The following BAZ2B variants were observed in gnomAD, a reference collection of about 807,000 sequenced individuals.
BAZ2B encodes bromodomain adjacent to zinc finger domain protein 2B.
BAZ2B carries 91 observed loss-of-function variants against 246.0 expected under a neutral mutation model. That is an observed-to-expected ratio of 0.37 (90% confidence interval 0.31 to 0.44). The LOEUF is 0.44. BAZ2B is among the 20% of genes least tolerant of loss of function. BAZ2B has a pLI of 1.00. For missense variants in BAZ2B, 2,332 were observed against 2,533.7 expected (o/e 0.92, Z 1.71); for synonymous variants, 855 against 860.0 (o/e 0.99, Z 0.10).
At chr2:159,386,953 G>A (rs2062719123) in intron 21 of BAZ2B, among the ~76,000 whole-genome samples, 1 of 152,008 alleles carries the variant, frequency 6.6e-6, no homozygotes, top group African/African-American at 2.4e-5. Flanking sequence ...TATAACTGGA[G>A]CAAAAATTAA....
rs374764016 is a variant in BAZ2B at position 159,427,944 on chromosome 2, C to T, written c.2463G>A (p.Pro821=). 3.5e-5 allele frequency: 57 copies of T among 1,612,272 alleles called. No individual in the cohort carries two copies. The highest frequency in any genetic ancestry group is 1.7e-4 in the Middle Eastern group (1 of 6,054). ...ATACTTTTTAAAAAGTGGATACCTGCGGTCCATCTCTGGCTTCATAGAAGT... is the reference window on the plus strand; with the variant it reads ...ATACTTTTTAAAAAGTGGATACCTGTGGTCCATCTCTGGCTTCATAGAAGT... ...VGDFYEARDG[P]QGMQWCLLKE... The change falls in exon 13 of 37, where the codon CCG becomes CCA. Residue 821 remains proline (P), a synonymous_variant. Transcript: ENST00000392783.
At chr2:159,436,161 A>T (rs1003232840) in intron 8 of BAZ2B, among the ~76,000 whole-genome samples, 6 of 152,124 alleles carry the variant, frequency 3.9e-5, no homozygotes, top group African/African-American at 1.2e-4. Context: ...ATCTTTTTTT[A>T]TAGGTAGTAA....
At chr2:159,453,545 C>G (rs778901761) in intron 4 of BAZ2B, 68 bp downstream of exon 4, 279 of 1,453,624 alleles carry the variant, frequency 1.9e-4, no homozygotes, top group Non-Finnish European at 2.5e-4. Context: ...GTTCAATAGA[C>G]AAATTATTGC....
At chr2:159,322,995 T>C (rs199971482) in intron 36 of BAZ2B, among the ~76,000 whole-genome samples, 10 of 62,626 alleles carry the variant, frequency 1.6e-4, no homozygotes, top group Non-Finnish European at 1.5e-4. Flanking sequence ...ATTTTGTAGC[T>C]TTTTTTTTTT....
At chr2:159,519,391 G>A (rs1321077230) in intron 2 of BAZ2B, among the ~76,000 whole-genome samples, 15 of 147,040 alleles carry the variant, frequency 1.0e-4, no homozygotes, top group African/African-American at 2.2e-4. Context: ...CACCGCGCCC[G>A]GCTAATTTTT....
intron 21 of BAZ2B, 68 bp downstream of exon 21, chr2:159,389,277 G>T: frequency 7.1e-7 from 1 of 1,415,488 alleles, no homozygotes; most frequent in Non-Finnish European, 9.4e-7. Context: ...CTCTGGCAAA[G>T]AAATCAGGTA....
chr2:159,434,711 C>G (rs981521623), intron 8 of BAZ2B: 8 of 152,084 alleles, frequency 5.3e-5, no homozygotes, highest in African/African-American at 1.9e-4. Context: ...GCAAGAACTT[C>G]TTTGAAGCAA....
intron 2 of BAZ2B, among the ~76,000 whole-genome samples, chr2:159,513,676 C>T (rs1254755301): frequency 6.6e-6 from 1 of 152,186 alleles, no homozygotes; most frequent in Non-Finnish European, 1.5e-5. Context: ...ACCTCAAAAA[C>T]ATCCAGAATT....
At chr2:159,607,649 A>G (rs766115777) in intron 1 of BAZ2B, among the ~76,000 whole-genome samples, 1 of 152,206 alleles carries the variant, frequency 6.6e-6, no homozygotes, top group African/African-American at 2.4e-5. Context: ...ACCATCCCAG[A>G]TGTCAAATGG....
intron 8 of BAZ2B, chr2:159,434,516 T>C (rs897188415): frequency 1.3e-5 from 2 of 152,126 alleles, no homozygotes; most frequent in Admixed American, 6.6e-5. Context: ...CCACCTTTAG[T>C]ATACATAGAA....
the BAZ2B span, among the ~76,000 whole-genome samples, chr2:159,676,014 G>A: frequency 6.6e-6 from 1 of 152,190 alleles, no homozygotes; most frequent in Non-Finnish European, 1.5e-5. Flanking sequence ...TCCTGCCTCA[G>A]TCTCCCGAGT....
intron 25 of BAZ2B, among the ~76,000 whole-genome samples, chr2:159,379,670 A>C (rs1212586979): frequency 6.6e-6 from 1 of 152,192 alleles, no homozygotes; most frequent in Non-Finnish European, 1.5e-5. Flanking sequence ...CATAAATTTG[A>C]TTATCATTGG....
chr2:159,654,619 G>A, the BAZ2B span, among the ~76,000 whole-genome samples: 6 of 152,100 alleles, frequency 3.9e-5, no homozygotes, highest in African/African-American at 1.4e-4. Context: ...TGAAAAAAAT[G>A]CCAGAAGAAC....
intron 1 of BAZ2B, among the ~76,000 whole-genome samples, chr2:159,566,491 C>T (rs1331087906): frequency 6.6e-6 from 1 of 152,184 alleles, no homozygotes; most frequent in Non-Finnish European, 1.5e-5. Flanking sequence ...CTGCGCTTCC[C>T]CTTCTCCCTT....
At position 159,394,243 on chromosome 2, in the gene BAZ2B, C is replaced by T; in HGVS notation, c.3075+1526G>A. Among the ~76,000 whole-genome samples, 2 of 152,020 alleles carry T rather than the reference C, an allele frequency of 1.3e-5. 1 individual carries two copies. Among genetic ancestry groups the T allele is most frequent in the Admixed American group, 1.3e-4 (2 of 15,248 alleles). On this transcript the variant is annotated intron_variant, in intron 20 of 36. Transcript: ENST00000392783. ...ATTGCTCCCTCCATTTCCATCTCTCCAGATTGAGAGAATTAGGTTCAGTGT... is the reference window on the plus strand; with the variant it reads ...ATTGCTCCCTCCATTTCCATCTCTCTAGATTGAGAGAATTAGGTTCAGTGT...
intron 2 of BAZ2B, among the ~76,000 whole-genome samples, chr2:159,530,119 T>C (rs1471048273): frequency 6.6e-6 from 1 of 152,224 alleles, no homozygotes; most frequent in African/African-American, 2.4e-5. Flanking sequence ...TAAATTTCTC[T>C]TTAGCACTTC....
chr2:159,462,189 A>G (rs2076490608), intron 3 of BAZ2B: 1 of 433,318 alleles, frequency 2.3e-6, no homozygotes, highest in East Asian at 4.6e-5. Context: ...ACTTGGATAT[A>G]GCAATAACAG....
chr2:159,468,906 C>G (rs1019138800), intron 3 of BAZ2B, among the ~76,000 whole-genome samples: 3 of 151,862 alleles, frequency 2.0e-5, no homozygotes, highest in Non-Finnish European at 4.4e-5. Flanking sequence ...AAAAAATTAG[C>G]TAGGTGTGGT....
intron 2 of BAZ2B, among the ~76,000 whole-genome samples, chr2:159,540,913 CA>C (rs2086586092): frequency 6.6e-6 from 1 of 152,150 alleles, no homozygotes; most frequent in African/African-American, 2.4e-5. Context: ...AAGTCACAAG[CA>C]GAGCTAACAA....
Sources: allele counts gnomAD v4.1 joint callset (sites outside exome capture counted in the v4.1 genomes callset), GRCh38; gene constraint gnomAD v4.1.1; transcripts MANE v1.5; gene names NCBI Gene and HGNC (gene_info 2026-07-23, HGNC 2026-07-21).